The following MTMR8 variants were observed in gnomAD, a reference collection of about 807,000 sequenced individuals.
The protein encoded by MTMR8 is myotubularin related protein 8.
In MTMR8, 65 loss-of-function variants were observed where a neutral mutation model predicts 39.3. That is an observed-to-expected ratio of 1.65 (90% confidence interval 1.35 to 2.03). MTMR8 has a LOEUF of 2.03. Ranked by LOEUF, MTMR8 falls within the 30% of genes most tolerant of loss-of-function variation. The pLI is 0.00. For missense variants in MTMR8, 777 were observed against 538.9 expected (o/e 1.44, Z -4.37); for synonymous variants, 245 against 185.2 (o/e 1.32, Z -2.62).
chrX:64,375,058 A>G (rs1447981228), intron 1 of MTMR8, among the ~76,000 whole-genome samples: 2 of 109,394 alleles, frequency 1.8e-5, no homozygotes, highest in African/African-American at 6.6e-5. Flanking sequence ...AAAAAAAAAA[A>G]AAAAAAAAAG....
rs202128235 is a variant in MTMR8 at position 64,343,686 on chromosome X, A to T, written c.900T>A (p.Phe300Leu). The T allele has an allele frequency of 8.3e-7, 1 of 1,205,539 alleles. No homozygotes were observed. The highest frequency in any genetic ancestry group is 1.7e-5 in the African/African-American group (1 of 57,312). The change falls in exon 8 of 14, where the codon TTT (phenylalanine) becomes TTA (leucine). Residue 300 changes from phenylalanine to leucine, a missense_variant. Physicochemically the swap from Phe to Leu is conservative, Grantham distance 22. Coordinates refer to ENST00000374852, the MANE Select transcript of MTMR8 (RefSeq NM_017677.4). ...CELKTPTMSE[F>L]LSGLESSGWL... ...ACCCTGAGCTCTCCAGGCCGCTAAG[A>T]AATTCACTCATTGTTGGAGTTTTCA...
chrX:64,285,498 A>T (rs1921130110), intron 12 of MTMR8, among the ~76,000 whole-genome samples: 2 of 111,581 alleles, frequency 1.8e-5, no homozygotes, highest in African/African-American at 6.5e-5. Context: ...AGAACACTCC[A>T]CCCCAAATCA....
chrX:64,274,818 A>C (rs774672436), intron 12 of MTMR8, among the ~76,000 whole-genome samples: 6 of 112,092 alleles, frequency 5.4e-5, no homozygotes, highest in Non-Finnish European at 7.5e-5. Context: ...AAAGACAAAA[A>C]CTATATCTTC....
intron 12 of MTMR8, among the ~76,000 whole-genome samples, chrX:64,308,320 ATTTTTT>A (rs778962275): frequency 5.7e-5 from 4 of 69,573 alleles, no homozygotes; most frequent in Non-Finnish European, 7.7e-5. Flanking sequence ...ACGGCTGGCT[ATTTTTT>A]TTTTTTTTTT....
At chrX:64,277,169 C>G (rs1297372777) in intron 12 of MTMR8, among the ~76,000 whole-genome samples, 1 of 111,737 alleles carries the variant, frequency 8.9e-6, no homozygotes, top group East Asian at 2.8e-4. Flanking sequence ...CTCCTGAATA[C>G]AGCACACCAA....
Position 64,331,767 on chromosome X carries a change from G to A in MTMR8, c.1152-10C>T, listed in dbSNP as rs747229110. 1 of 1,177,215 alleles carries A rather than the reference G, an allele frequency of 8.5e-7. No homozygotes were observed. The highest frequency in any genetic ancestry group is 1.2e-6 in the Non-Finnish European group (1 of 866,606). ...ATCGAGGTGGCCACACCTGAGAGAT[G>A]AAAATAAAGGTAAAGAAAGACACTA... On this transcript the variant is annotated splice_polypyrimidine_tract_variant and intron_variant, in intron 10 of 13. Transcript: ENST00000374852.
intron 6 of MTMR8, 118 bp from the exon 7 acceptor site, chrX:64,345,295 A>C: frequency 1.4e-6 from 1 of 720,760 alleles, no homozygotes; most frequent in Non-Finnish European, 2.0e-6. Context: ...AAAGAAGTTA[A>C]ATCAGATGAG....
rs184412353 is a variant in MTMR8, at chrX:64,394,558, T to C, written c.24+782A>G. ...AGACTAGTTGTGAATTTTTCACTGT[T>C]CCCCAGCCCCAGACAGGAGAAAGGA... On this transcript the variant is annotated intron_variant, in intron 1 of 13. Transcript: ENST00000374852. 7.4e-3 allele frequency among the ~76,000 whole-genome samples: 819 copies of C among 111,387 alleles called. 11 individuals are homozygous for C. Among genetic ancestry groups the C allele is most frequent in the African/African-American group, 0.025 (776 of 30,612 alleles).
chrX:64,381,542 C>A (rs990157808), intron 1 of MTMR8, among the ~76,000 whole-genome samples: 1 of 108,520 alleles, frequency 9.2e-6, no homozygotes, highest in Non-Finnish European at 1.9e-5. Flanking sequence ...AATTTTCTCC[C>A]ATTCTGTAGG....
At chrX:64,289,041 C>T (rs189613362) in intron 12 of MTMR8, among the ~76,000 whole-genome samples, 2 of 108,928 alleles carry the variant, frequency 1.8e-5, no homozygotes, top group East Asian at 5.7e-4. Flanking sequence ...ATATAAATAT[C>T]CAGAATATAT....
rs1355809643 is a variant in MTMR8 at position 64,386,240 on chromosome X, C to G, written c.24+9100G>C. Among the ~76,000 whole-genome samples the G allele has an allele frequency of 3.6e-5, 4 of 111,697 alleles. No individual in the cohort carries two copies. In the East Asian group the frequency reaches 1.1e-3, roughly 31 times the overall value. ...TTCTATTTTGTAGAATGGAGGTTCC[C>G]CAATTCATGAATTAGATCTATAACT... On this transcript the variant is annotated intron_variant, in intron 1 of 13. Coordinates refer to ENST00000374852, the MANE Select transcript of MTMR8 (RefSeq NM_017677.4).
chrX:64,319,996 G>C (rs913879451), intron 12 of MTMR8, among the ~76,000 whole-genome samples: 1 of 111,268 alleles, frequency 9.0e-6, no homozygotes, highest in Non-Finnish European at 1.9e-5. Context: ...ACCTTGGGCA[G>C]TATGGCCATT....
intron 12 of MTMR8, chrX:64,305,138 C>A: frequency 4.9e-6 from 1 of 206,009 alleles, no homozygotes; most frequent in South Asian, 8.9e-5. Flanking sequence ...AGATCTTCAT[C>A]AATATCATTT....
At chrX:64,384,230 G>T (rs1924502187) in intron 1 of MTMR8, among the ~76,000 whole-genome samples, 1 of 112,121 alleles carries the variant, frequency 8.9e-6, no homozygotes, top group Non-Finnish European at 1.9e-5. Flanking sequence ...AAGGCCTTCT[G>T]CATCTCTGCC....
At chrX:64,283,027 A>C (rs1363597143) in intron 12 of MTMR8, among the ~76,000 whole-genome samples, 1 of 112,190 alleles carries the variant, frequency 8.9e-6, no homozygotes, top group Non-Finnish European at 1.9e-5. Flanking sequence ...AGGGCGAGGC[A>C]TCGCCTCACC....
chrX:64,268,597 C>T lies in MTMR8; in HGVS notation c.2055G>A (p.Leu685=). The change falls in exon 14 of 14, where the codon TTG becomes TTA. Residue 685 remains leucine, a synonymous_variant. Transcript: ENST00000374852. ...ARGFSGDMGI[L]GDTGISKAST... ...TGGCCTTGGAGATGCCTGTGTCCCC[C>T]AAGATGCCCATGTCCCCAGAGAAAC... 9 of 1,211,293 alleles carry T rather than the reference C, an allele frequency of 7.4e-6. No homozygotes were observed. The highest frequency in any genetic ancestry group is 1.7e-5 in the African/African-American group (1 of 57,730).
At chrX:64,300,159 T>A (rs1921800690) in intron 12 of MTMR8, among the ~76,000 whole-genome samples, 1 of 106,791 alleles carries the variant, frequency 9.4e-6, no homozygotes, top group Non-Finnish European at 1.9e-5. Flanking sequence ...CTCATTGATC[T>A]GTCTAATGTT....
In MTMR8 at chrX:64,271,065, C is replaced by A. The variant is rs1931749834; in HGVS notation, c.1490G>T (p.Cys497Phe). 2.5e-6 allele frequency: 3 copies of A among 1,194,953 alleles called. No individual in the cohort carries two copies. The highest frequency in any genetic ancestry group is 3.4e-6 in the Non-Finnish European group (3 of 888,551). The change falls in exon 13 of 14, where the codon TGT (cysteine) becomes TTT (phenylalanine). Residue 497 changes from cysteine (C) to phenylalanine (F), a missense_variant. Cys to Phe is a radical substitution (Grantham distance 205). Transcript: ENST00000374852. ...TTTGTCAAAGCGGTTATACATCCCA[C>A]ACCAGAACCTCAAATAGACAAAAAT... ...STVPYNIQFW[C>F]GMYNRFDKGL... is the part of the protein sequence containing the mutation.
intron 12 of MTMR8, among the ~76,000 whole-genome samples, chrX:64,301,397 G>A (rs1260254908): frequency 9.6e-6 from 1 of 104,481 alleles, no homozygotes; most frequent in East Asian, 3.0e-4. Flanking sequence ...CATTCTTCAC[G>A]TAGTTCTCGA....
Sources: allele counts gnomAD v4.1 joint callset (sites outside exome capture counted in the v4.1 genomes callset), GRCh38; gene constraint gnomAD v4.1.1; transcripts MANE v1.5; gene names NCBI Gene and HGNC (gene_info 2026-07-23, HGNC 2026-07-21).